Variants in VSIG10 observed in about 807,000 individuals in gnomAD.
VSIG10 encodes the protein V-set and immunoglobulin domain-containing protein 10.
VSIG10 carries 48 observed loss-of-function variants against 58.7 expected under a neutral mutation model. The observed-to-expected ratio is 0.82, with a 90% CI of 0.65 to 1.04. VSIG10 has a LOEUF of 1.04. Ranked by LOEUF, VSIG10 falls within the 50% of genes least tolerant of loss-of-function variation. VSIG10 has a pLI of 0.00. For synonymous variants in VSIG10, 260 were observed against 267.1 expected, an observed-to-expected ratio of 0.97 and a Z score of 0.26; for missense variants, 628 against 670.0, an observed-to-expected ratio of 0.94 and a Z score of 0.69.
intron 2 of VSIG10, among the ~76,000 whole-genome samples, chr12:118,088,470 C>G (rs1468049285): frequency 3.9e-5 from 6 of 152,156 alleles, no homozygotes; most frequent in African/African-American, 1.4e-4. Context: ...AAGGGACTTT[C>G]CCAAGGTCAC....
At position 118,098,016 on chromosome 12, in the gene VSIG10, C is replaced by G. The variant is rs549867543; in HGVS notation, c.80-2202G>C. 3.3e-5 allele frequency among the ~76,000 whole-genome samples: 5 copies of G among 152,252 alleles called. No homozygotes were observed. In the South Asian group the frequency reaches 1.0e-3, roughly 32 times the overall value. ...TCTAGATCAGCCTTCAGCTAGTCAT[C>G]GATCCCCAGGCAGATCAGCAGAGCC... On this transcript the variant is annotated intron_variant, in intron 1 of 8. Transcript: ENST00000359236.
At chr12:118,096,911 C>T (rs1482395410) in intron 1 of VSIG10, among the ~76,000 whole-genome samples, 48 of 151,558 alleles carry the variant, frequency 3.2e-4, no homozygotes, top group Admixed American at 3.0e-3. Flanking sequence ...TGGTGGCACA[C>T]GCCTGTAATC....
At chr12:118,095,307 C>T (rs1476648082) in intron 2 of VSIG10, among the ~76,000 whole-genome samples, 1 of 152,156 alleles carries the variant, frequency 6.6e-6, no homozygotes, top group Non-Finnish European at 1.5e-5. Context: ...TGCCAAAGTG[C>T]TGGGATTACA....
At chr12:118,081,756 C>T (rs561083897) in intron 3 of VSIG10, among the ~76,000 whole-genome samples, 2 of 152,252 alleles carry the variant, frequency 1.3e-5, no homozygotes, top group African/African-American at 2.4e-5. Context: ...GTGGCTCACG[C>T]CTGTAATCCC....
rs376944254 is a variant in VSIG10 at position 118,069,008 on chromosome 12, T to TA, written c.1347-412dup. Among the ~76,000 whole-genome samples the TA allele has an allele frequency of 1.6e-3, 242 of 152,316 alleles. 2 individuals are homozygous for TA. Among genetic ancestry groups the TA allele is most frequent in the African/African-American group, 5.5e-3 (229 of 41,576 alleles). ...AAAGACCTAAATTAATGACTGCATTTAGAGTCCATGCTATAGTTTATTTAT... is the reference window on the plus strand; with the variant it reads ...AAAGACCTAAATTAATGACTGCATTTAAGAGTCCATGCTATAGTTTATTTAT... On this transcript the variant is annotated intron_variant, in intron 7 of 8. Transcript: ENST00000359236.
chr12:118,099,724 A>C (rs1282324179), intron 1 of VSIG10, among the ~76,000 whole-genome samples: 1 of 152,188 alleles, frequency 6.6e-6, no homozygotes, highest in African/African-American at 2.4e-5. Flanking sequence ...GTGGCATGTA[A>C]ATTATATCTG....
chr12:118,080,442 G>A (rs1176175324), intron 3 of VSIG10, among the ~76,000 whole-genome samples: 2 of 152,008 alleles, frequency 1.3e-5, no homozygotes, highest in Non-Finnish European at 2.9e-5. Flanking sequence ...TTATAGACGT[G>A]AGCCACCGCG....
At position 118,068,476 on chromosome 12, in the gene VSIG10, ACTC is replaced by A. The variant is rs770840994; in HGVS notation, c.1465_1467del (p.Glu489del). ...TCCTGCTTAGGTATTTCTTTTGGCA[ACTC>A]CTCTCTCTCACGTGCTCCCTCCTGT... is the stretch of plus-strand genomic sequence containing the variant. On this transcript the variant is annotated inframe_deletion, in exon 8 of 9. Coordinates refer to ENST00000359236, the MANE Select transcript of VSIG10 (RefSeq NM_019086.6). 85 of 1,610,766 alleles carry A rather than the reference ACTC, an allele frequency of 5.3e-5. No individual in the cohort carries two copies. Among genetic ancestry groups the A allele is most frequent in the Non-Finnish European group, 7.1e-5 (84 of 1,179,114 alleles).
intron 2 of VSIG10, among the ~76,000 whole-genome samples, chr12:118,084,574 T>G (rs1006084840): frequency 6.6e-6 from 1 of 151,906 alleles, no homozygotes; most frequent in Non-Finnish European, 1.5e-5. Flanking sequence ...TAAGCACCAA[T>G]CTCTGCTACA....
Position 118,095,625 on chromosome 12 carries a change from A to T in VSIG10, c.269T>A (p.Ile90Asn). The T allele has an allele frequency of 6.2e-7, 1 of 1,613,940 alleles. No homozygotes were observed. The highest frequency in any genetic ancestry group is 8.5e-7 in the Non-Finnish European group (1 of 1,179,882). Residue 90 changes from isoleucine to asparagine, a missense_variant, in exon 2 of 9, where the codon ATT (isoleucine) becomes AAT (asparagine). Ile to Asn is a moderately radical substitution (Grantham distance 149, BLOSUM62 -3). Coordinates refer to ENST00000359236, the MANE Select transcript of VSIG10 (RefSeq NM_019086.6). ...CTCATCTCCCAGGCTCAGCGATTCA[A>T]TGTGCAGGGAGGTGGCATCCACTAG... The part of the protein sequence containing the change: ...FSLVDATSLH[I>N]ESLSLGDEGI...
intron 5 of VSIG10, among the ~76,000 whole-genome samples, chr12:118,072,590 G>C (rs916537119): frequency 2.0e-5 from 3 of 152,114 alleles, no homozygotes; most frequent in African/African-American, 4.8e-5. Flanking sequence ...AGGTGTGGTG[G>C]CTCATGCTTG....
At chr12:118,086,062 G>A (rs1249777213) in intron 2 of VSIG10, among the ~76,000 whole-genome samples, 1 of 152,030 alleles carries the variant, frequency 6.6e-6, no homozygotes. Flanking sequence ...GGGAGGCGAG[G>A]CAGGAGAATC....
chr12:118,079,308 G>A, intron 4 of VSIG10, 38 bp downstream of exon 4: 4 of 1,600,588 alleles, frequency 2.5e-6, no homozygotes, highest in Non-Finnish European at 3.4e-6. Context: ...AGGAAGGCAG[G>A]GAAACTCCAA....
rs570022049 is a variant in VSIG10 at position 118,071,048 on chromosome 12, T to G, written c.1346+4A>C. ...TGTTTGGTTTGATTCTAGGGAACAC[T>G]CACCTGGAAGTGTTTCCTACTGAAG... On this transcript the variant is annotated splice_donor_region_variant and intron_variant, in intron 7 of 8. Coordinates refer to ENST00000359236, the MANE Select transcript of VSIG10 (RefSeq NM_019086.6). 1.7e-5 allele frequency: 28 copies of G among 1,601,624 alleles called. No individual in the cohort carries two copies. The highest frequency in any genetic ancestry group is 2.3e-5 in the Non-Finnish European group (27 of 1,173,856).
At chr12:118,100,563 C>A (rs2033598391) in intron 1 of VSIG10, among the ~76,000 whole-genome samples, 1 of 151,994 alleles carries the variant, frequency 6.6e-6, no homozygotes, top group African/African-American at 2.4e-5. Context: ...TGAAGTCTCG[C>A]TCTGTTGCCT....
At chr12:118,091,065 G>A (rs1456669930) in intron 2 of VSIG10, among the ~76,000 whole-genome samples, 2 of 152,160 alleles carry the variant, frequency 1.3e-5, no homozygotes, top group Non-Finnish European at 2.9e-5. Context: ...AACCCGGGAA[G>A]CAGAGGTTGC....
chr12:118,085,927 C>T (rs2033111831), intron 2 of VSIG10, among the ~76,000 whole-genome samples: 1 of 151,352 alleles, frequency 6.6e-6, no homozygotes, highest in Non-Finnish European at 1.5e-5. Context: ...GAGCCCAAGG[C>T]GTGTGGATCA....
intron 1 of VSIG10, among the ~76,000 whole-genome samples, chr12:118,100,604 ACTG>A (rs997800443): frequency 1.8e-4 from 28 of 152,182 alleles, no homozygotes; most frequent in African/African-American, 6.3e-4. Flanking sequence ...ATTTCGGCTC[ACTG>A]CAACCTCTGC....
chr12:118,071,398 C>A lies in VSIG10; in HGVS notation c.1291G>T (p.Gly431Trp), dbSNP rs1349078920. 1 of 1,613,750 alleles carries A rather than the reference C, an allele frequency of 6.2e-7. No individual in the cohort carries two copies. The highest frequency in any genetic ancestry group is 1.3e-5 in the African/African-American group (1 of 74,912). The change falls in exon 6 of 9, where the codon GGG becomes TGG. Residue 431 changes from glycine to tryptophan, a missense_variant. By Grantham distance (184) the Gly-to-Trp change is radical. Transcript: ENST00000359236. ...LLLLGLAIIS[G>W]LLLHYSPVFC... ...ACAGGGCTATAATGCAACAGAAGCC[C>A]TGAGATAATGGCCAGTCCCAGCAGA...
Sources: allele counts gnomAD v4.1 joint callset (sites outside exome capture counted in the v4.1 genomes callset), GRCh38; gene constraint gnomAD v4.1.1; transcripts MANE v1.5; gene names NCBI Gene and HGNC (gene_info 2026-07-23, HGNC 2026-07-21).